CDH17: variants seen among roughly 807,000 people sequenced by gnomAD.
CDH17 encodes cadherin 17, also known as cadherin-17.
In CDH17, 67 loss-of-function variants were observed where a neutral mutation model predicts 86.3. The ratio of observed to expected loss-of-function variants is 0.78; its 90% CI spans 0.64 to 0.95. CDH17 has a LOEUF of 0.95. Among genes scored for constraint, CDH17 ranks in the 40% least tolerant of loss-of-function variants. CDH17 has a pLI of 0.00. For synonymous variants in CDH17, 367 were observed against 366.4 expected (o/e 1.00, Z -0.02); for missense variants, 993 against 1,017.6 (o/e 0.98, Z 0.33).
At chr8:94,164,888 G>T (rs1813123837) in intron 10 of CDH17, among the ~76,000 whole-genome samples, 1 of 152,152 alleles carries the variant, frequency 6.6e-6, no homozygotes, top group African/African-American at 2.4e-5. Flanking sequence ...GTTTTTATCA[G>T]ATTCTCAAAG....
intron 2 of CDH17, among the ~76,000 whole-genome samples, chr8:94,191,555 G>A (rs898799739): frequency 5.3e-5 from 8 of 150,198 alleles, no homozygotes; most frequent in African/African-American, 1.2e-4. Context: ...AGGTTCAAGC[G>A]ATTCGCCTGC....
At chr8:94,131,682 G>A (rs1331013877) in intron 15 of CDH17, among the ~76,000 whole-genome samples, 1 of 151,810 alleles carries the variant, frequency 6.6e-6, no homozygotes, top group Non-Finnish European at 1.5e-5. Context: ...TTGACCCTGT[G>A]TGGTTTTTTT....
chr8:94,166,050 A>T, intron 9 of CDH17, 74 bp from the exon 10 acceptor site: 1 of 872,056 alleles, frequency 1.1e-6, no homozygotes, highest in Non-Finnish European at 1.8e-6. Context: ...TCACTAAAAT[A>T]AGCACATTCC....
chr8:94,128,420 G>A (rs1812343720), intron 17 of CDH17, 80 bp from the exon 18 acceptor site: 4 of 893,936 alleles, frequency 4.5e-6, no homozygotes, highest in Non-Finnish European at 7.0e-6. Context: ...TAGTATTGTG[G>A]TAGGAAAAAA....
At chr8:94,138,420 A>G (rs1289850141) in intron 15 of CDH17, among the ~76,000 whole-genome samples, 1 of 152,230 alleles carries the variant, frequency 6.6e-6, no homozygotes. Context: ...TTACCACCCA[A>G]AGCAAATATC....
At chr8:94,196,086 T>A (rs1488363146) in intron 1 of CDH17, among the ~76,000 whole-genome samples, 1 of 152,180 alleles carries the variant, frequency 6.6e-6, no homozygotes, top group Non-Finnish European at 1.5e-5. Context: ...TTCAATGTAT[T>A]TATTTCACGA....
At position 94,170,509 on chromosome 8, in the gene CDH17, T is replaced by C. The variant is rs1813248186; in HGVS notation, c.954A>G (p.Lys318=). Residue 318 remains lysine, a synonymous_variant, in exon 9 of 18, where the codon AAA becomes AAG. Coordinates refer to ENST00000027335, the MANE Select transcript of CDH17 (RefSeq NM_004063.4). ...FYAVAKDEYG[K]PLSYPLEIHV... ...GAATTTCCAGCGGATATGAAAGTGG[T>C]TTTCCGTACTCATCCTTTGCAACTG... 6.2e-7 allele frequency: 1 copy of C among 1,613,742 alleles called. No homozygotes were observed.
At chr8:94,173,700 C>T (rs2130641120) in intron 7 of CDH17, 97 bp downstream of exon 7, 2 of 889,890 alleles carry the variant, frequency 2.2e-6, no homozygotes, top group African/African-American at 1.6e-5. Context: ...AAAAAGGTAT[C>T]TAATAAGTGT....
intron 3 of CDH17, among the ~76,000 whole-genome samples, chr8:94,187,073 C>T (rs1004573059): frequency 2.0e-5 from 3 of 152,210 alleles, no homozygotes; most frequent in African/African-American, 7.2e-5. Flanking sequence ...CTCTTCTGTT[C>T]GCTCACTACC....
In CDH17 at chr8:94,208,076, T is replaced by A. The variant is rs143960280; in HGVS notation, c.-21+407A>T. On this transcript the variant is annotated intron_variant, in intron 1 of 17. Coordinates refer to ENST00000027335, the MANE Select transcript of CDH17 (RefSeq NM_004063.4). ...CTGAGAAGTAGATAGAATGACATGC[T>A]TTTTGAGAATGTGATTCCAACCCCA... Among the ~76,000 whole-genome samples, 900 of 152,328 alleles carry A rather than the reference T, an allele frequency of 5.9e-3. 7 individuals carry two copies. The highest frequency in any genetic ancestry group is 0.02 in the Middle Eastern group (6 of 294).
At position 94,156,887 on chromosome 8, in the gene CDH17, A is replaced by G. The variant is rs371104332; in HGVS notation, c.1551+3084T>C. On this transcript the variant is annotated intron_variant, in intron 12 of 17. Coordinates refer to ENST00000027335, the MANE Select transcript of CDH17 (RefSeq NM_004063.4). ...CTAGAAAGGTGCTACCATTTTACCCATTTTTACAGATTGGAAAACTGGGGC... is the reference window on the plus strand; with the variant it reads ...CTAGAAAGGTGCTACCATTTTACCCGTTTTTACAGATTGGAAAACTGGGGC... 7.7e-4 allele frequency among the ~76,000 whole-genome samples: 118 copies of G among 152,258 alleles called. 2 individuals carry two copies. In the South Asian group the frequency reaches 0.019, roughly 24 times the overall value.
At chr8:94,215,863 GTTTT>G (rs11398758) in intron 1 of CDH17, among the ~76,000 whole-genome samples, 4 of 140,104 alleles carry the variant, frequency 2.9e-5, no homozygotes, top group East Asian at 2.1e-4. Flanking sequence ...AGTATACGAG[GTTTT>G]TTTTTTTTTT....
Position 94,170,286 on chromosome 8 carries a change from G to A in CDH17, c.1066+111C>T, listed in dbSNP as rs147381207. On this transcript the variant is annotated intron_variant, in intron 9 of 17. Transcript: ENST00000027335. ...CCAAGGTACAGTCAACCTCTATGCT[G>A]TGGAAGACATGGATTACTGACTCCC... is the stretch of plus-strand genomic sequence containing the variant. 4.6e-4 allele frequency: 519 copies of A among 1,116,488 alleles called. 1 individual carries two copies. Among genetic ancestry groups the A allele is most frequent in the Non-Finnish European group, 6.1e-4 (471 of 767,466 alleles). 69.2% of individuals were successfully genotyped at this position (1,116,488 alleles called of 1,614,324 possible). A position where few individuals can be genotyped will look rare whatever the true frequency, so the allele number is the denominator to read the frequency against.
intron 15 of CDH17, among the ~76,000 whole-genome samples, chr8:94,137,505 A>G (rs750781203): frequency 6.6e-6 from 1 of 152,122 alleles, no homozygotes; most frequent in Non-Finnish European, 1.5e-5. Flanking sequence ...AAAGTGCAGT[A>G]TTTGGGTGGG....
At chr8:94,159,383 C>A (rs926808636) in intron 12 of CDH17, among the ~76,000 whole-genome samples, 5 of 152,140 alleles carry the variant, frequency 3.3e-5, no homozygotes, top group Non-Finnish European at 7.4e-5. Flanking sequence ...TAAAAAGACA[C>A]TTGTCTATTA....
chr8:94,131,086 G>T, intron 15 of CDH17, 94 bp from the exon 16 acceptor site: 1 of 715,944 alleles, frequency 1.4e-6, no homozygotes, highest in South Asian at 1.6e-5. Flanking sequence ...AGGTTGACTG[G>T]AACATGGCTA....
At chr8:94,160,191 GAGA>G (rs1414225349) in intron 11 of CDH17, 29 bp from the exon 12 acceptor site, 1 of 1,556,576 alleles carries the variant, frequency 6.4e-7, no homozygotes, top group Admixed American at 1.7e-5. Context: ...AGGAAACAAT[GAGA>G]AGGTCTGCTG....
chr8:94,189,068 C>CT, intron 3 of CDH17, 119 bp downstream of exon 3: 1 of 733,922 alleles, frequency 1.4e-6, no homozygotes, highest in Non-Finnish European at 2.3e-6. Flanking sequence ...TGAAATCATT[C>CT]TTGATAATGA....
Position 94,165,774 on chromosome 8 carries a change from C to A in CDH17, c.1269G>T (p.Glu423Asp), listed in dbSNP as rs758545974. 1.9e-6 allele frequency: 3 copies of A among 1,609,986 alleles called. No homozygotes were observed. In the South Asian group the frequency reaches 3.3e-5, roughly 18 times the overall value. Residue 423 changes from glutamate (E) to aspartate (D), a missense_variant, in exon 10 of 18, where the codon GAG (glutamate) becomes GAT (aspartate). By Grantham distance (45) the Glu-to-Asp change is conservative. Coordinates refer to ENST00000027335, the MANE Select transcript of CDH17 (RefSeq NM_004063.4). ...TATGATACTAACCTTTGTCAGACAC[C>A]TCTATCGTTAAGTTGTACTGAGGAG... ...QDTPQYNLTI[E>D]VSDKDFKTLC...
Sources: gnomAD v4.1 joint callset for allele counts (sites outside exome capture counted in the v4.1 genomes callset) on GRCh38, gnomAD v4.1.1 for gene constraint, MANE v1.5 for transcripts, NCBI Gene and HGNC (gene_info 2026-07-23, HGNC 2026-07-21) for gene names.